Variants in RARB observed in about 807,000 individuals in gnomAD.
RARB encodes HBV-activated protein.
A neutral mutation model predicts 51.9 loss-of-function variants in RARB; 17 were observed. That is an observed-to-expected ratio of 0.33 (90% CI 0.22 to 0.49). The LOEUF is 0.49. RARB is among the 20% of genes least tolerant of loss of function. RARB has a pLI of 0.99. For missense variants in RARB, 369 were observed against 550.8 expected (o/e 0.67, Z 3.30); for synonymous variants, 215 against 195.4 (o/e 1.10, Z -0.84).
chr3:24,925,045 G>A (rs77045814), intron 2 of RARB, among the ~76,000 whole-genome samples: 5,058 of 152,090 alleles, frequency 0.033, 250 homozygotes, highest in African/African-American at 0.11. Flanking sequence ...TGGCACAAAT[G>A]AGCACATGGT....
intron 3 of RARB, among the ~76,000 whole-genome samples, chr3:25,064,452 A>G (rs1032773625): frequency 2.6e-5 from 4 of 152,084 alleles, no homozygotes; most frequent in African/African-American, 9.7e-5. Context: ...TTTTTCACAT[A>G]CAGTTGTAAG....
chr3:24,910,620 G>A (rs962158166), intron 2 of RARB, among the ~76,000 whole-genome samples: 1 of 152,124 alleles, frequency 6.6e-6, no homozygotes, highest in Non-Finnish European at 1.5e-5. Flanking sequence ...TCTAACTTGG[G>A]TGCTCCTGGT....
In RARB at chr3:25,271,383, G is replaced by A. The variant is rs149008785; in HGVS notation, c.178+96808G>A. ...AGCATACCAATGTCTCAAGAATCGC[G>A]TCTCAAATGCAAGGCCTACACAAGA... On this transcript the variant is annotated intron_variant, in intron 5 of 11. Coordinates refer to the RARB transcript ENST00000383772. Among the ~76,000 whole-genome samples the A allele has an allele frequency of 2.0e-3, 298 of 152,248 alleles. 2 individuals are homozygous for A. Among genetic ancestry groups the A allele is most frequent in the African/African-American group, 6.9e-3 (285 of 41,556 alleles).
At chr3:25,139,712 T>C (rs1432401048) in intron 4 of RARB, among the ~76,000 whole-genome samples, 1 of 152,160 alleles carries the variant, frequency 6.6e-6, no homozygotes, top group African/African-American at 2.4e-5. Flanking sequence ...AGATTTTCTA[T>C]GTAGAGGAAA....
chr3:25,279,060 C>T (rs552732346), intron 5 of RARB, among the ~76,000 whole-genome samples: 2 of 152,330 alleles, frequency 1.3e-5, no homozygotes, highest in South Asian at 4.1e-4. Flanking sequence ...ACCATACACT[C>T]ATGCAGGGCT....
intron 4 of RARB, among the ~76,000 whole-genome samples, chr3:25,139,352 A>G (rs1407552909): frequency 3.3e-5 from 5 of 152,204 alleles, no homozygotes; most frequent in Admixed American, 6.6e-5. Context: ...AAGGAAATTA[A>G]AAGTGCTACT....
At chr3:24,990,845 T>C (rs1037261559) in intron 2 of RARB, among the ~76,000 whole-genome samples, 2 of 152,252 alleles carry the variant, frequency 1.3e-5, no homozygotes, top group Non-Finnish European at 1.5e-5. Context: ...TGGAACTGCA[T>C]TGAATTATGT....
chr3:25,385,017 C>T (rs1208716246), intron 5 of RARB, among the ~76,000 whole-genome samples: 1 of 152,108 alleles, frequency 6.6e-6, no homozygotes. Flanking sequence ...TATATGAGGT[C>T]ATACATTGAG....
chr3:25,261,102 G>C (rs956645872), intron 5 of RARB, among the ~76,000 whole-genome samples: 1 of 152,068 alleles, frequency 6.6e-6, no homozygotes, highest in Admixed American at 6.6e-5. Context: ...CTGGGTTTCT[G>C]GTAGGGAGTA....
chr3:25,337,320 C>T (rs952295833), intron 5 of RARB, among the ~76,000 whole-genome samples: 1 of 152,116 alleles, frequency 6.6e-6, no homozygotes, highest in African/African-American at 2.4e-5. Flanking sequence ...ACATGATTCT[C>T]CAATTCAGAA....
At chr3:24,896,341 C>T (rs1171720536) in intron 2 of RARB, among the ~76,000 whole-genome samples, 3 of 152,114 alleles carry the variant, frequency 2.0e-5, no homozygotes, top group African/African-American at 7.2e-5. Flanking sequence ...CTCACTGCAA[C>T]CTCTGTCTTC....
At chr3:25,502,315 TA>T (rs1697360328) in intron 3 of RARB, among the ~76,000 whole-genome samples, 1 of 152,208 alleles carries the variant, frequency 6.6e-6, no homozygotes. Context: ...CAAGGGCTCT[TA>T]GATGTTGGAA....
At chr3:25,359,122 G>A (rs554290491) in intron 5 of RARB, among the ~76,000 whole-genome samples, 4 of 151,928 alleles carry the variant, frequency 2.6e-5, no homozygotes, top group African/African-American at 9.6e-5. Flanking sequence ...GGCTTTTTTT[G>A]GTTGGTAGGA....
intron 3 of RARB, among the ~76,000 whole-genome samples, chr3:25,080,623 T>TATAG (rs754570847): frequency 1.2e-4 from 18 of 152,224 alleles, no homozygotes; most frequent in Non-Finnish European, 2.5e-4. Flanking sequence ...GGTGTGATGC[T>TATAG]ATAGATCATT....
intron 2 of RARB, among the ~76,000 whole-genome samples, chr3:24,950,428 A>C (rs1257666088): frequency 6.6e-6 from 1 of 152,238 alleles, no homozygotes; most frequent in Non-Finnish European, 1.5e-5. Context: ...TCTCCTGTTT[A>C]CATGAGACCT....
At chr3:25,469,483 C>T (rs1308541774) in intron 2 of RARB, among the ~76,000 whole-genome samples, 1 of 152,160 alleles carries the variant, frequency 6.6e-6, no homozygotes, top group Non-Finnish European at 1.5e-5. Context: ...AAAAACAGGA[C>T]ACTCTGTGTA....
chr3:25,361,431 C>A (rs1347002403), intron 5 of RARB, among the ~76,000 whole-genome samples: 2 of 152,296 alleles, frequency 1.3e-5, no homozygotes, highest in Non-Finnish European at 1.5e-5. Context: ...GAACATGCTC[C>A]TGTAACTCGG....
intron 5 of RARB, among the ~76,000 whole-genome samples, chr3:25,331,042 A>G (rs927637195): frequency 1.3e-5 from 2 of 152,236 alleles, no homozygotes; most frequent in South Asian, 2.1e-4. Flanking sequence ...TTAGAGACCT[A>G]CAAAGAGACT....
intron 2 of RARB, among the ~76,000 whole-genome samples, chr3:25,023,359 C>G (rs921228003): frequency 6.6e-6 from 1 of 152,100 alleles, no homozygotes; most frequent in African/African-American, 2.4e-5. Flanking sequence ...TTGATTAATG[C>G]GGTTAAAATG....
Sources: gnomAD v4.1 joint callset for allele counts (sites outside exome capture counted in the v4.1 genomes callset) on GRCh38, gnomAD v4.1.1 for gene constraint, MANE v1.5 for transcripts, NCBI Gene and HGNC (gene_info 2026-07-23, HGNC 2026-07-21) for gene names.